Variants in ZFHX3 observed in about 807,000 individuals in gnomAD.
The protein encoded by ZFHX3 is zinc finger homeobox 3.
Under a neutral mutation model 279.1 loss-of-function variants are expected in ZFHX3, and 42 were observed. That is an observed-to-expected ratio of 0.15 (90% confidence interval 0.12 to 0.19). ZFHX3 has a LOEUF of 0.19. Ranked by LOEUF, ZFHX3 falls within the 10% of genes least tolerant of loss-of-function variation. The pLI is 1.00. For missense variants in ZFHX3, 4,981 were observed against 4,754.0 expected (o/e 1.05, Z -1.40); for synonymous variants, 2,293 against 1,957.8 (o/e 1.17, Z -4.52).
rs142833719 is a variant in ZFHX3, at chr16:73,801,824, GCAA to G, written c.-1608+89824_-1608+89826del. On this transcript the variant is annotated intron_variant, in intron 1 of 17. Coordinates refer to the ZFHX3 transcript ENST00000641206. Reference sequence around the variant, plus strand: ...CCGATTCCACAAAGACTCTTAGTGTGCAACAACATGCTCTGCAACTTGGGCGTG... The same window carrying G: ...CCGATTCCACAAAGACTCTTAGTGTGCAACATGCTCTGCAACTTGGGCGTG... Among the ~76,000 whole-genome samples, 520 of 152,296 alleles carry G rather than the reference GCAA, an allele frequency of 3.4e-3. 2 individuals are homozygous for G. Among genetic ancestry groups the G allele is most frequent in the African/African-American group, 0.012 (483 of 41,560 alleles).
At chr16:73,712,828 G>T (rs942783548) in intron 1 of ZFHX3, among the ~76,000 whole-genome samples, 1 of 152,182 alleles carries the variant, frequency 6.6e-6, no homozygotes, top group African/African-American at 2.4e-5. Flanking sequence ...ACAACATAAA[G>T]GACACCCCAG....
At chr16:73,613,273 T>A (rs973537974) in intron 2 of ZFHX3, among the ~76,000 whole-genome samples, 1 of 152,180 alleles carries the variant, frequency 6.6e-6, no homozygotes, top group African/African-American at 2.4e-5. Flanking sequence ...GGAACATAAA[T>A]AATGCCATTC....
chr16:73,352,197 T>C (rs915362161), intron 3 of ZFHX3, among the ~76,000 whole-genome samples: 4 of 152,060 alleles, frequency 2.6e-5, no homozygotes, highest in African/African-American at 9.7e-5. Context: ...AGGGCAGGAG[T>C]GAGGTCTGAG....
chr16:73,469,980 C>T (rs1204634265), intron 2 of ZFHX3, among the ~76,000 whole-genome samples: 8 of 152,146 alleles, frequency 5.3e-5, no homozygotes, highest in Non-Finnish European at 1.2e-4. Flanking sequence ...GAACTCCCAA[C>T]ATGATTCTAA....
At chr16:73,179,986 C>A (rs1033489540) in intron 5 of ZFHX3, among the ~76,000 whole-genome samples, 4 of 152,054 alleles carry the variant, frequency 2.6e-5, no homozygotes, top group African/African-American at 9.7e-5. Flanking sequence ...CACAGCAGGC[C>A]CAGCTTTAGC....
At chr16:72,970,146 G>A (rs1191509022) in intron 1 of ZFHX3, among the ~76,000 whole-genome samples, 2 of 152,024 alleles carry the variant, frequency 1.3e-5, no homozygotes, top group African/African-American at 4.8e-5. Flanking sequence ...CAACAGGAGA[G>A]AGTCGTGACA....
At chr16:73,502,371 G>A (rs1188266005) in intron 2 of ZFHX3, among the ~76,000 whole-genome samples, 1 of 152,192 alleles carries the variant, frequency 6.6e-6, no homozygotes, top group Non-Finnish European at 1.5e-5. Context: ...TTTTTGACGA[G>A]GTCGTCATGC....
chr16:73,264,028 G>A (rs1014896198), intron 4 of ZFHX3, among the ~76,000 whole-genome samples: 16 of 152,148 alleles, frequency 1.1e-4, no homozygotes, highest in African/African-American at 3.4e-4. Flanking sequence ...TCAGCCAGGC[G>A]TGGTGGCAGA....
chr16:73,610,309 G>T (rs926818095), intron 2 of ZFHX3, among the ~76,000 whole-genome samples: 1 of 152,152 alleles, frequency 6.6e-6, no homozygotes, highest in Non-Finnish European at 1.5e-5. Flanking sequence ...ACTCACAAAA[G>T]GAGATGGTTT....
chr16:73,856,175 A>G (rs1217153396), intron 1 of ZFHX3, among the ~76,000 whole-genome samples: 1 of 152,216 alleles, frequency 6.6e-6, no homozygotes, highest in Admixed American at 6.5e-5. Context: ...AGGAGAGGGA[A>G]GGTTACATAC....
intron 1 of ZFHX3, among the ~76,000 whole-genome samples, chr16:72,967,495 G>A (rs1395548217): frequency 2.6e-5 from 4 of 151,934 alleles, no homozygotes; most frequent in African/African-American, 9.7e-5. Flanking sequence ...TTCTTCCACA[G>A]GGTAGAAACT....
chr16:73,270,624 G>C (rs1192593773), intron 4 of ZFHX3, among the ~76,000 whole-genome samples: 1 of 152,172 alleles, frequency 6.6e-6, no homozygotes, highest in Non-Finnish European at 1.5e-5. Flanking sequence ...AACCTAGAGA[G>C]GGCTGATTGA....
chr16:73,416,146 CGG>C (rs201419034), intron 3 of ZFHX3, among the ~76,000 whole-genome samples: 1 of 139,262 alleles, frequency 7.2e-6, no homozygotes, highest in Admixed American at 7.1e-5. Context: ...AAACAAAAAA[CGG>C]AAAACAAACA....
At chr16:73,570,059 A>G (rs998348683) in intron 2 of ZFHX3, among the ~76,000 whole-genome samples, 3 of 152,166 alleles carry the variant, frequency 2.0e-5, no homozygotes, top group African/African-American at 4.8e-5. Flanking sequence ...GTGATCTGAC[A>G]CTTCCCGGGT....
intron 1 of ZFHX3, among the ~76,000 whole-genome samples, chr16:73,721,341 C>T (rs1256666254): frequency 2.0e-5 from 3 of 152,078 alleles, no homozygotes; most frequent in South Asian, 2.1e-4. Context: ...GGGCTGGTCT[C>T]GAACTCCTGA....
At chr16:73,817,010 C>A (rs1261974875) in intron 1 of ZFHX3, among the ~76,000 whole-genome samples, 1 of 152,100 alleles carries the variant, frequency 6.6e-6, no homozygotes, top group Admixed American at 6.6e-5. Flanking sequence ...TGGGACTGGA[C>A]ATAATGGTAT....
At chr16:73,097,748 C>G (rs1157331958) in intron 7 of ZFHX3, among the ~76,000 whole-genome samples, 2 of 152,174 alleles carry the variant, frequency 1.3e-5, no homozygotes, top group Non-Finnish European at 2.9e-5. Flanking sequence ...CGTGGCCCCT[C>G]CAGCCCCTGG....
At chr16:73,595,876 A>C (rs946257966) in intron 2 of ZFHX3, among the ~76,000 whole-genome samples, 3 of 151,968 alleles carry the variant, frequency 2.0e-5, no homozygotes, top group African/African-American at 7.3e-5. Flanking sequence ...ATCTATCCCA[A>C]ATCCCAGTAG....
chr16:73,440,016 T>A (rs1383325364), intron 3 of ZFHX3, among the ~76,000 whole-genome samples: 2 of 149,572 alleles, frequency 1.3e-5, no homozygotes, highest in African/African-American at 5.0e-5. Context: ...GGAACACGCA[T>A]GGCTGTTAGC....
Sources: gnomAD v4.1 joint callset for allele counts (sites outside exome capture counted in the v4.1 genomes callset) on GRCh38, gnomAD v4.1.1 for gene constraint, MANE v1.5 for transcripts, NCBI Gene and HGNC (gene_info 2026-07-23, HGNC 2026-07-21) for gene names.